FILIP1: variants seen among roughly 807,000 people sequenced by gnomAD.
The protein encoded by FILIP1 is filamin-A-interacting protein 1.
A neutral mutation model predicts 102.1 loss-of-function variants in FILIP1; 61 were observed. The observed-to-expected ratio is 0.60, with a 90% CI of 0.49 to 0.74. The LOEUF is 0.74. FILIP1 is among the 30% of genes least tolerant of loss of function. The pLI is 0.00. For synonymous variants in FILIP1, 491 were observed against 526.9 expected, an observed-to-expected ratio of 0.93 and a Z score of 0.93; for missense variants, 1,314 against 1,441.2, an observed-to-expected ratio of 0.91 and a Z score of 1.43.
intron 1 of FILIP1, chr6:75,465,424 G>T: frequency 1.5e-6 from 1 of 673,906 alleles, no homozygotes; most frequent in South Asian, 1.7e-5. Flanking sequence ...TGAAGTGGTG[G>T]ACCCATTTCA....
At chr6:75,380,323 G>T (rs757186401) in intron 2 of FILIP1, among the ~76,000 whole-genome samples, 8,070 of 152,034 alleles carry the variant, frequency 0.053, 291 homozygotes, top group Non-Finnish European at 0.076. Context: ...AAAGAAAAAT[G>T]CCTGAAAGGT....
At chr6:75,298,374 G>A (rs921133136) in intron 6 of FILIP1, among the ~76,000 whole-genome samples, 1 of 152,112 alleles carries the variant, frequency 6.6e-6, no homozygotes, top group Non-Finnish European at 1.5e-5. Context: ...TAATACTTAT[G>A]TACATAAACT....
intron 1 of FILIP1, 100 bp from the exon 2 acceptor site, chr6:75,415,078 C>A: frequency 3.9e-6 from 4 of 1,032,744 alleles, no homozygotes; most frequent in South Asian, 1.6e-5. Context: ...ACCACATCGC[C>A]AATAAGGAAA....
intron 1 of FILIP1, among the ~76,000 whole-genome samples, chr6:75,441,703 G>A (rs1216408217): frequency 9.7e-5 from 14 of 144,276 alleles, no homozygotes; most frequent in African/African-American, 3.5e-4. Context: ...CTGGCCGGGC[G>A]GGGGACTGAC....
chr6:75,308,066 A>G (rs1773045018), downstream of FILIP1: 4 of 985,806 alleles, frequency 4.1e-6, no homozygotes, highest in African/African-American at 1.7e-5. Flanking sequence ...ACACACACAA[A>G]TAAGTAAAAC....
At chr6:75,390,094 C>T (rs1303109909) in intron 2 of FILIP1, among the ~76,000 whole-genome samples, 2 of 152,174 alleles carry the variant, frequency 1.3e-5, no homozygotes, top group African/African-American at 4.8e-5. Flanking sequence ...TACGCATCTG[C>T]GGTCAAGTTT....
intron 1 of FILIP1, among the ~76,000 whole-genome samples, chr6:75,442,160 G>C (rs1262384054): frequency 1.3e-5 from 2 of 152,186 alleles, no homozygotes; most frequent in East Asian, 3.9e-4. Context: ...ACAATGGGTG[G>C]CCGGGCAGAG....
intron 3 of FILIP1, among the ~76,000 whole-genome samples, chr6:75,355,067 T>C (rs1325299168): frequency 6.6e-6 from 1 of 151,956 alleles, no homozygotes; most frequent in Non-Finnish European, 1.5e-5. Context: ...GGCGGAGGCG[T>C]GTGGATTGCT....
At chr6:75,466,373 G>A (rs1294674554) in intron 1 of FILIP1, among the ~76,000 whole-genome samples, 2 of 152,314 alleles carry the variant, frequency 1.3e-5, no homozygotes, top group African/African-American at 2.4e-5. Context: ...TACCTGGCAA[G>A]TGGTAGGCAT....
At chr6:75,455,808 C>T (rs2951921) in intron 1 of FILIP1, among the ~76,000 whole-genome samples, 11,861 of 152,190 alleles carry the variant, frequency 0.078, 1,253 homozygotes, top group African/African-American at 0.24. Context: ...AATTACTGAA[C>T]GGCTACTAAG....
intron 4 of FILIP1, among the ~76,000 whole-genome samples, chr6:75,340,558 T>G (rs574870888): frequency 6.6e-6 from 1 of 152,376 alleles, no homozygotes; most frequent in East Asian, 1.9e-4. Context: ...ATCAGCTCTA[T>G]TGGTCTGTCT....
chr6:75,483,747 G>C (rs1299771058), intron 1 of FILIP1, among the ~76,000 whole-genome samples: 1 of 152,120 alleles, frequency 6.6e-6, no homozygotes, highest in Non-Finnish European at 1.5e-5. Context: ...GCTGAAATGA[G>C]GGAGCAGCTG....
At chr6:75,405,742 T>C (rs890256594) in intron 2 of FILIP1, among the ~76,000 whole-genome samples, 13 of 152,152 alleles carry the variant, frequency 8.5e-5, no homozygotes, top group Admixed American at 2.0e-4. Context: ...AAACTAATTC[T>C]GATTGGCTAA....
At chr6:75,324,349 A>AG (rs1773762812) in intron 4 of FILIP1, among the ~76,000 whole-genome samples, 2 of 150,670 alleles carry the variant, frequency 1.3e-5, no homozygotes, top group South Asian at 2.1e-4. Context: ...CCTAACCAAA[A>AG]AAAAAAAAAA....
intron 5 of FILIP1, among the ~76,000 whole-genome samples, chr6:75,310,529 C>T (rs1293228745): frequency 6.6e-6 from 1 of 152,166 alleles, no homozygotes; most frequent in Non-Finnish European, 1.5e-5. Context: ...AATAGGTGGA[C>T]CATTCAGAAC....
chr6:75,395,838 G>T (rs1776442637), intron 2 of FILIP1, among the ~76,000 whole-genome samples: 1 of 152,154 alleles, frequency 6.6e-6, no homozygotes, highest in African/African-American at 2.4e-5. Flanking sequence ...AGTCCTTGAT[G>T]AAATATGCAA....
chr6:75,322,066 C>T (rs186890300), intron 4 of FILIP1, among the ~76,000 whole-genome samples: 1 of 152,166 alleles, frequency 6.6e-6, no homozygotes, highest in Admixed American at 6.5e-5. Flanking sequence ...ATCCACCTCC[C>T]CAGTCGATTC....
intron 1 of FILIP1, among the ~76,000 whole-genome samples, chr6:75,479,234 C>T (rs912422952): frequency 6.6e-6 from 1 of 152,110 alleles, no homozygotes; most frequent in African/African-American, 2.4e-5. Flanking sequence ...AAACAATGTA[C>T]TCTCAAAAGC....
downstream of FILIP1, among the ~76,000 whole-genome samples, chr6:75,304,419 T>C (rs376138554): frequency 6.6e-6 from 1 of 152,114 alleles, no homozygotes; most frequent in African/African-American, 2.4e-5. Flanking sequence ...TTTTGCCATG[T>C]CATCCAGGCT....
Sources: gnomAD v4.1 joint callset for allele counts (sites outside exome capture counted in the v4.1 genomes callset) on GRCh38, gnomAD v4.1.1 for gene constraint, MANE v1.5 for transcripts, NCBI Gene and HGNC (gene_info 2026-07-23, HGNC 2026-07-21) for gene names.